HTR2C: variants seen among roughly 807,000 people sequenced by gnomAD.
HTR2C encodes the protein 5-hydroxytryptamine (serotonin) receptor 2C, G protein-coupled.
A neutral mutation model predicts 21.0 loss-of-function variants in HTR2C; 5 were observed. The ratio of observed to expected loss-of-function variants is 0.24; its 90% CI spans 0.12 to 0.50. The LOEUF (loss-of-function observed/expected upper bound fraction) is 0.50, where lower values mean the gene tolerates loss of function less well. HTR2C is among the 20% of genes least tolerant of loss of function. The pLI is 0.98. For missense variants in HTR2C, 271 were observed against 371.2 expected (o/e 0.73, Z 2.22); for synonymous variants, 150 against 145.3 (o/e 1.03, Z -0.23).
chrX:114,896,236 A>C (rs781803062), intron 5 of HTR2C, among the ~76,000 whole-genome samples: 6 of 111,806 alleles, frequency 5.4e-5, no homozygotes, highest in Non-Finnish European at 1.1e-4. Flanking sequence ...CATACTATAT[A>C]AGATTGCAGT....
At chrX:114,849,557 G>A (rs782591854) in intron 5 of HTR2C, among the ~76,000 whole-genome samples, 2 of 112,043 alleles carry the variant, frequency 1.8e-5, no homozygotes, top group South Asian at 7.4e-4. Context: ...AGACTCGCAA[G>A]CAATGGAGGA....
chrX:114,869,069 C>G (rs1025184555), intron 5 of HTR2C, among the ~76,000 whole-genome samples: 2 of 110,376 alleles, frequency 1.8e-5, no homozygotes, highest in Non-Finnish European at 3.8e-5. Flanking sequence ...TCAATTCCCA[C>G]CTATGAATGA....
chrX:114,672,245 A>G, intron 2 of HTR2C, among the ~76,000 whole-genome samples: 1 of 111,747 alleles, frequency 8.9e-6, no homozygotes, highest in Non-Finnish European at 1.9e-5. Context: ...ATTAAAAATT[A>G]CATGGGTATG....
intron 2 of HTR2C, among the ~76,000 whole-genome samples, chrX:114,615,614 C>A (rs1183094799): frequency 8.9e-6 from 1 of 111,883 alleles, no homozygotes; most frequent in Non-Finnish European, 1.9e-5. Flanking sequence ...GCATGGTAAG[C>A]CTCGCCTGGT....
chrX:114,823,032 G>A (rs1361532669), intron 4 of HTR2C, among the ~76,000 whole-genome samples: 1 of 111,318 alleles, frequency 9.0e-6, no homozygotes, highest in Non-Finnish European at 1.9e-5. Flanking sequence ...GGTAAAAAGT[G>A]TGTGCAGCCC....
intron 2 of HTR2C, among the ~76,000 whole-genome samples, chrX:114,633,775 C>CTCTA (rs1929723018): frequency 9.2e-6 from 1 of 108,270 alleles, no homozygotes; most frequent in African/African-American, 3.3e-5. Flanking sequence ...TTCTCTCTCT[C>CTCTA]TATATATATA....
chrX:114,787,060 G>A (rs1467230396), intron 4 of HTR2C, among the ~76,000 whole-genome samples: 2 of 111,665 alleles, frequency 1.8e-5, no homozygotes, highest in African/African-American at 6.5e-5. Context: ...AAGAAATATA[G>A]TCTTTGGCAT....
At chrX:114,788,927 G>T (rs781922222) in intron 4 of HTR2C, among the ~76,000 whole-genome samples, 75 of 111,931 alleles carry the variant, frequency 6.7e-4, no homozygotes, top group African/African-American at 2.3e-3. Flanking sequence ...GGGATTACAG[G>T]CATGAGGCAC....
Position 114,603,952 on chromosome X carries a change from G to A in HTR2C, c.-146-9863G>A, listed in dbSNP as rs781785437. ...TTAGGACAGGTAAAATGGGGGAATT[G>A]TAAGGAGAGTTTATAGGCTTTAAAA... is the stretch of plus-strand genomic sequence containing the variant. On this transcript the variant is annotated intron_variant, in intron 1 of 5. Transcript: ENST00000276198. Among the ~76,000 whole-genome samples the A allele has an allele frequency of 2.9e-5, 3 of 103,438 alleles. No individual in the cohort carries two copies. In the South Asian group the frequency reaches 1.4e-3, roughly 49 times the overall value. 89.8% of individuals were successfully genotyped at this position (103,438 alleles called of 115,157 possible). A position where few individuals can be genotyped will look rare whatever the true frequency, so the allele number is the denominator to read the frequency against.
At chrX:114,673,836 C>CT (rs1225342948) in intron 2 of HTR2C, among the ~76,000 whole-genome samples, 1 of 111,386 alleles carries the variant, frequency 9.0e-6, no homozygotes, top group African/African-American at 3.3e-5. Flanking sequence ...ATTGTGGAAA[C>CT]TTTTTTTGCT....
intron 5 of HTR2C, among the ~76,000 whole-genome samples, chrX:114,851,472 T>C (rs1556469244): frequency 8.9e-6 from 1 of 111,897 alleles, no homozygotes; most frequent in Non-Finnish European, 1.9e-5. Context: ...GATTCTTCCC[T>C]AAGCTATCTA....
At chrX:114,698,837 G>GAA (rs782084024) in intron 2 of HTR2C, among the ~76,000 whole-genome samples, 4 of 111,407 alleles carry the variant, frequency 3.6e-5, no homozygotes, top group Non-Finnish European at 5.7e-5. Flanking sequence ...GTTTCAATGC[G>GAA]AAAAAAGAGG....
At chrX:114,868,843 T>TG (rs2071067397) in intron 5 of HTR2C, among the ~76,000 whole-genome samples, 2 of 110,165 alleles carry the variant, frequency 1.8e-5, no homozygotes, top group African/African-American at 6.6e-5. Context: ...TCACTTTTTG[T>TG]ATTTTTTTTT....
At position 114,895,089 on chromosome X, in the gene HTR2C, A is replaced by G. The variant is rs57634691; in HGVS notation, c.551-11500A>G. ...CTGACAAGTGCTCTAATATGCATTG[A>G]TCTCAGAAAGGGAGGAAAGACACAC... On this transcript the variant is annotated intron_variant, in intron 5 of 5. Coordinates refer to ENST00000276198, the MANE Select transcript of HTR2C (RefSeq NM_000868.4). Among the ~76,000 whole-genome samples the G allele has an allele frequency of 7.2e-3, 804 of 111,679 alleles. 11 individuals are homozygous for G. The highest frequency in any genetic ancestry group is 0.024 in the African/African-American group (752 of 30,712).
At chrX:114,889,877 C>T (rs1236704266) in intron 5 of HTR2C, among the ~76,000 whole-genome samples, 2 of 111,456 alleles carry the variant, frequency 1.8e-5, no homozygotes, top group African/African-American at 6.5e-5. Flanking sequence ...CTGGAGAGCA[C>T]GGGATGGGAA....
chrX:114,687,496 C>T (rs1055132769), intron 2 of HTR2C, among the ~76,000 whole-genome samples: 15 of 111,367 alleles, frequency 1.3e-4, no homozygotes, highest in South Asian at 3.7e-4. Flanking sequence ...TATCAAAGAA[C>T]GGATAAATGC....
intron 4 of HTR2C, among the ~76,000 whole-genome samples, chrX:114,788,043 G>T (rs1468114270): frequency 9.1e-6 from 1 of 110,175 alleles, no homozygotes. Context: ...AGGGTTTGAA[G>T]AATGAGAAAA....
intron 4 of HTR2C, among the ~76,000 whole-genome samples, chrX:114,791,550 A>G (rs1602788588): frequency 8.9e-6 from 1 of 111,742 alleles, no homozygotes; most frequent in East Asian, 2.8e-4. Context: ...GTTTATAACT[A>G]TTTAATTCAA....
At chrX:114,846,682 A>G (rs1556467600) in intron 4 of HTR2C, among the ~76,000 whole-genome samples, 1 of 112,229 alleles carries the variant, frequency 8.9e-6, no homozygotes, top group African/African-American at 3.2e-5. Context: ...TTTATAAAAA[A>G]CAAAAACAAA....
Sources: allele counts gnomAD v4.1 joint callset (sites outside exome capture counted in the v4.1 genomes callset), GRCh38; gene constraint gnomAD v4.1.1; transcripts MANE v1.5; gene names NCBI Gene and HGNC (gene_info 2026-07-23, HGNC 2026-07-21).